Variants in HOXB6 observed in about 807,000 individuals in gnomAD.
HOXB6 encodes the protein homeobox protein Hox-B6.
HOXB6 carries 18 observed loss-of-function variants against 24.2 expected under a neutral mutation model. The observed-to-expected ratio is 0.74, with a 90% CI of 0.51 to 1.10. The LOEUF is 1.10. HOXB6 is among the 50% of genes least tolerant of loss of function. The pLI is 0.00. For missense variants in HOXB6, 332 were observed against 308.3 expected, an observed-to-expected ratio of 1.08 and a Z score of -0.58; for synonymous variants, 159 against 139.1, an observed-to-expected ratio of 1.14 and a Z score of -1.01.
Position 48,596,639 on chromosome 17 carries a change from C to T in HOXB6, c.449G>A (p.Arg150His). ...CGTCTGGTAACGTGTGTATGTCTGG[C>T]GGCCTCGCCGGCCGCTGGGCCCAAA... ...SSFGPSGRRGRQTYTRYQTLE... is the reference protein window; with the variant it reads ...SSFGPSGRRGHQTYTRYQTLE... The change falls in exon 4 of 4, where the codon CGC (arginine) becomes CAC (histidine). Residue 150 changes from arginine (R) to histidine (H), a missense_variant. By Grantham distance (29) the Arg-to-His change is conservative. Coordinates refer to ENST00000225648, the MANE Select transcript of HOXB6 (RefSeq NM_018952.5). This position sits in a 1 kb window ranked among gnomAD's most constrained non-coding sequence, Gnocchi z 4.8. 1 of 1,613,784 alleles carries T rather than the reference C, an allele frequency of 6.2e-7. No individual in the cohort carries two copies. Among genetic ancestry groups the T allele is most frequent in the Non-Finnish European group, 8.5e-7 (1 of 1,180,038 alleles).
In HOXB6 at chr17:48,596,327, C is replaced by CGAGA; in HGVS notation, c.*82_*85dup. ...GAGCAGGTCTCCTGGCTCCCCCACC[C>CGAGA]GAGAGCCTTCCTTCCCGGGTCTCTC... On this transcript the variant is annotated 3_prime_UTR_variant, in exon 4 of 4. Transcript: ENST00000225648. This position sits in a 1 kb window ranked among gnomAD's most constrained non-coding sequence, Gnocchi z 4.8. The CGAGA allele has an allele frequency of 6.3e-7, 1 of 1,592,498 alleles. No homozygotes were observed. Among genetic ancestry groups the CGAGA allele is most frequent in the South Asian group, 1.1e-5 (1 of 90,346 alleles).
In HOXB6 at chr17:48,601,015, T is replaced by TGTGTGTGTGTG. The variant is rs760882047; in HGVS notation, c.-78-2788_-78-2787insCACACACACAC. Among the ~76,000 whole-genome samples the TGTGTGTGTGTG allele has an allele frequency of 7.6e-4, 114 of 149,164 alleles. No homozygotes were observed. In the Middle Eastern group the frequency reaches 0.01, roughly 13 times the overall value. ...GCGTGTGTGTGTGTGTGTGTGTGTG[T>TGTGTGTGTGTG]GTGTGGTGTGGTGTGGTGTGTGTGG... On this transcript the variant is annotated intron_variant, in intron 2 of 3. Transcript: ENST00000225648.
chr17:48,598,577 C>G lies in HOXB6; in HGVS notation c.-78-349G>C, dbSNP rs181226476. Among the ~76,000 whole-genome samples the G allele has an allele frequency of 1.4e-3, 206 of 152,246 alleles. 2 individuals are homozygous for G. The highest frequency in any genetic ancestry group is 1.6e-3 in the Non-Finnish European group (110 of 68,024). On this transcript the variant is annotated intron_variant, in intron 2 of 3. Coordinates refer to ENST00000225648, the MANE Select transcript of HOXB6 (RefSeq NM_018952.5). ...CTCCCGGGTGATTAAATAAATATGTCTCTCCCCCACCCCACGCAGGATTGG... is the reference window on the plus strand; with the variant it reads ...CTCCCGGGTGATTAAATAAATATGTGTCTCCCCCACCCCACGCAGGATTGG...
In HOXB6 at chr17:48,597,741, C is replaced by T; in HGVS notation, c.410G>A (p.Cys137Tyr). The change falls in exon 3 of 4, where the codon TGC (cysteine) becomes TAC (tyrosine). Residue 137 changes from cysteine to tyrosine, a missense_variant. Cys to Tyr is a radical substitution (Grantham distance 194, BLOSUM62 -2). Transcript: ENST00000225648. ...CGACGGGAAGTCTCACTCACTGTTG[C>T]ACGAATTCATCCGCTGCATCCACGG... ...VYPWMQRMNS[C>Y]NSSSFGPSGR... is the part of the protein sequence containing the mutation. 1.2e-6 allele frequency: 2 copies of T among 1,612,838 alleles called. No homozygotes were observed. Among genetic ancestry groups the T allele is most frequent in the Non-Finnish European group, 1.7e-6 (2 of 1,179,526 alleles).
Position 48,596,631 on chromosome 17 carries a change from A to C in HOXB6, c.457T>G (p.Tyr153Asp). Reference protein sequence around the residue: ...GPSGRRGRQTYTRYQTLELEK... With the variant: ...GPSGRRGRQTDTRYQTLELEK... ...AGCTCCAGCGTCTGGTAACGTGTGT[A>C]TGTCTGGCGGCCTCGCCGGCCGCTG... is the stretch of plus-strand genomic sequence containing the variant. Residue 153 changes from tyrosine (Y) to aspartate (D), a missense_variant, in exon 4 of 4, where the codon TAC (tyrosine) becomes GAC (aspartate). Transcript: ENST00000225648. The surrounding 1 kb of genome is among the most constrained non-coding windows in gnomAD (Gnocchi z 4.8). 6.2e-7 allele frequency: 1 copy of C among 1,613,936 alleles called. No homozygotes were observed. The highest frequency in any genetic ancestry group is 8.5e-7 in the Non-Finnish European group (1 of 1,180,008).
chr17:48,602,451 C>A (rs1417508398), intron 2 of HOXB6: 1 of 345,158 alleles, frequency 2.9e-6, no homozygotes, highest in Non-Finnish European at 5.7e-6. Context: ...GGCCCCTGCC[C>A]GCTGGAAGCA....
At chr17:48,597,699 G>A in intron 3 of HOXB6, 37 bp downstream of exon 3, 11 of 1,604,132 alleles carry the variant, frequency 6.9e-6, no homozygotes, top group Non-Finnish European at 9.4e-6. Context: ...GGGCGCCCAG[G>A]GGAGCCGGGG....
At position 48,596,194 on chromosome 17, in the gene HOXB6, G is replaced by T; in HGVS notation, c.*219C>A. The T allele has an allele frequency of 1.4e-6, 1 of 719,772 alleles. No individual in the cohort carries two copies. Among genetic ancestry groups the T allele is most frequent in the South Asian group, 1.5e-5 (1 of 68,232 alleles). The allele number at this position is 719,772 out of a possible 1,614,324, so 44.6% of individuals were successfully genotyped here. A position where few individuals can be genotyped will look rare whatever the true frequency, so the allele number is the denominator to read the frequency against. On this transcript the variant is annotated 3_prime_UTR_variant, in exon 4 of 4. Transcript: ENST00000225648. The surrounding 1 kb of genome is among the most constrained non-coding windows in gnomAD (Gnocchi z 4.8). ...GGCGAGTTCCTCGGGAAGGAAGGGCGCGCGGGATGCTGGGTGGGCTCGAGT... is the reference window on the plus strand; with the variant it reads ...GGCGAGTTCCTCGGGAAGGAAGGGCTCGCGGGATGCTGGGTGGGCTCGAGT...
chr17:48,596,902 C>T lies in HOXB6; in HGVS notation c.416-230G>A. 1 of 1,361,374 alleles carries T rather than the reference C, an allele frequency of 7.3e-7. No individual in the cohort carries two copies. 84.3% of individuals were successfully genotyped at this position (1,361,374 alleles called of 1,614,324 possible). ...TGGGGGAGGGGAGGAGCAGTTTGAA[C>T]TCCCACCTGAGCCTGGGGGGAGGGG... On this transcript the variant is annotated intron_variant, in intron 3 of 3. Coordinates refer to ENST00000225648, the MANE Select transcript of HOXB6 (RefSeq NM_018952.5). The surrounding 1 kb of genome is among the most constrained non-coding windows in gnomAD (Gnocchi z 4.8).
chr17:48,596,281 G>A lies in HOXB6; in HGVS notation c.*132C>T. ...GCGGGGGCGTCCAGGAGAGCGCTGG[G>A]CCCCGCCTGTCTGCGCCGGAGAGCA... On this transcript the variant is annotated 3_prime_UTR_variant, in exon 4 of 4. Transcript: ENST00000225648. This position sits in a 1 kb window ranked among gnomAD's most constrained non-coding sequence, Gnocchi z 4.8. 1 of 1,416,450 alleles carries A rather than the reference G, an allele frequency of 7.1e-7. No individual in the cohort carries two copies. Among genetic ancestry groups the A allele is most frequent in the Middle Eastern group, 1.8e-4 (1 of 5,700 alleles). The allele number at this position is 1,416,450 out of a possible 1,614,324, so 87.7% of individuals were successfully genotyped here.
rs1225286347 is a variant in HOXB6, at chr17:48,597,730, ACT to A, written c.415+4_415+5del. The stretch of plus-strand genomic sequence containing the variant: ...CGGGGCGACGGCGACGGGAAGTCTC[ACT>A]CACTGTTGCACGAATTCATCCGCTG... On this transcript the variant is annotated splice_donor_5th_base_variant and intron_variant, in intron 3 of 3. Coordinates refer to ENST00000225648, the MANE Select transcript of HOXB6 (RefSeq NM_018952.5). 6.2e-7 allele frequency: 1 copy of A among 1,612,152 alleles called. No homozygotes were observed. The highest frequency in any genetic ancestry group is 8.5e-7 in the Non-Finnish European group (1 of 1,179,264).
intron 2 of HOXB6, among the ~76,000 whole-genome samples, chr17:48,601,194 G>A (rs902152961): frequency 6.6e-6 from 1 of 152,088 alleles, no homozygotes; most frequent in African/African-American, 2.4e-5. Context: ...TTCTCGTCCT[G>A]GACTCTGTTT....
At position 48,596,478 on chromosome 17, in the gene HOXB6, C is replaced by T. The variant is rs534823368; in HGVS notation, c.610G>A (p.Glu204Lys). ...TGAGACGCGCTGAGCAGTTTGCTCT[C>T]CTTTTTCCACTTCATGCGTCGGTTC... ...FQNRRMKWKK[E>K]SKLLSASQLS... is the part of the protein sequence containing the mutation. Residue 204 changes from glutamate to lysine, a missense_variant, in exon 4 of 4, where the codon GAG (glutamate) becomes AAG (lysine). By Grantham distance (56) the Glu-to-Lys change is moderately conservative (BLOSUM62 1). Transcript: ENST00000225648. The surrounding 1 kb of genome is among the most constrained non-coding windows in gnomAD (Gnocchi z 4.8). The T allele has an allele frequency of 6.2e-7, 1 of 1,614,274 alleles. No homozygotes were observed. The highest frequency in any genetic ancestry group is 1.7e-5 in the Admixed American group (1 of 60,032).
rs909717798 is a variant in HOXB6 at position 48,596,296 on chromosome 17, G to C, written c.*117C>G. 2.0e-6 allele frequency: 3 copies of C among 1,498,852 alleles called. No individual in the cohort carries two copies. Among genetic ancestry groups the C allele is most frequent in the South Asian group, 1.1e-5 (1 of 88,106 alleles). 92.8% of individuals were successfully genotyped at this position (1,498,852 alleles called of 1,614,324 possible). A position where few individuals can be genotyped will look rare whatever the true frequency, so the allele number is the denominator to read the frequency against. On this transcript the variant is annotated 3_prime_UTR_variant, in exon 4 of 4. Transcript: ENST00000225648. This position sits in a 1 kb window ranked among gnomAD's most constrained non-coding sequence, Gnocchi z 4.8. ...AGAGCGCTGGGCCCCGCCTGTCTGC[G>C]CCGGAGAGCAGGTCTCCTGGCTCCC...
At chr17:48,601,664 G>T (rs2070466451) in intron 2 of HOXB6, 1 of 163,046 alleles carries the variant, frequency 6.1e-6, no homozygotes, top group African/African-American at 2.4e-5. Context: ...CCGAAAGAGG[G>T]TGAGGGCTGC....
At position 48,596,758 on chromosome 17, in the gene HOXB6, G is replaced by A; in HGVS notation, c.416-86C>T. 1.3e-6 allele frequency: 2 copies of A among 1,574,140 alleles called. No homozygotes were observed. Among genetic ancestry groups the A allele is most frequent in the Non-Finnish European group, 1.7e-6 (2 of 1,160,804 alleles). On this transcript the variant is annotated intron_variant, in intron 3 of 3. Coordinates refer to ENST00000225648, the MANE Select transcript of HOXB6 (RefSeq NM_018952.5). The surrounding 1 kb of genome is among the most constrained non-coding windows in gnomAD (Gnocchi z 4.8). The stretch of plus-strand genomic sequence containing the variant: ...AGTCGACCCTCGAACACAGACTCCA[G>A]CCAGTACCGGGATGCCCTCTATTCT...
At chr17:48,597,123 A>C in intron 3 of HOXB6, 1 of 1,058,490 alleles carries the variant, frequency 9.4e-7, no homozygotes, top group Non-Finnish European at 1.1e-6. Flanking sequence ...TTGGGACTTA[A>C]GGCCAACAAA....
chr17:48,598,387 A>C (rs2070374427), intron 2 of HOXB6, 159 bp from the exon 3 acceptor site: 1 of 471,258 alleles, frequency 2.1e-6, no homozygotes, highest in Non-Finnish European at 3.7e-6. Context: ...CGCACGAGGG[A>C]CCCGCGCACA....
intron 2 of HOXB6, among the ~76,000 whole-genome samples, chr17:48,599,522 C>T (rs2070405474): frequency 6.6e-6 from 1 of 152,192 alleles, no homozygotes; most frequent in Admixed American, 6.5e-5. Flanking sequence ...TGCTTCCAGC[C>T]ATCAGCCAGC....
Sources: gnomAD v4.1 joint callset for allele counts (sites outside exome capture counted in the v4.1 genomes callset) on GRCh38, gnomAD v4.1.1 for gene constraint, Gnocchi (gnomAD v3.1) non-coding constraint, MANE v1.5 for transcripts, NCBI Gene and HGNC (gene_info 2026-07-23, HGNC 2026-07-21) for gene names.